The following WDR1 variants were observed in gnomAD, a reference collection of about 807,000 sequenced individuals.
WDR1 encodes WD repeat-containing protein 1.
WDR1 carries 21 observed loss-of-function variants against 71.9 expected under a neutral mutation model. That is an observed-to-expected ratio of 0.29 (90% confidence interval 0.21 to 0.42). The LOEUF is 0.42. WDR1 is among the 10% of genes least tolerant of loss of function. The probability of loss-of-function intolerance (pLI) is 1.00; values close to 1 mark genes in which losing one functional copy is unlikely to be tolerated. For synonymous variants in WDR1, 424 were observed against 347.4 expected, an observed-to-expected ratio of 1.22 and a Z score of -2.45; for missense variants, 696 against 824.5, an observed-to-expected ratio of 0.84 and a Z score of 1.91.
chr4:10,084,321 G>C (rs1163671603), intron 9 of WDR1, 122 bp downstream of exon 9: 2 of 829,726 alleles, frequency 2.4e-6, no homozygotes, highest in African/African-American at 1.7e-5. Context: ...CGGGTCAGAA[G>C]AGCGTGTGGC....
At chr4:10,079,285 A>C (rs918844663) in intron 11 of WDR1, among the ~76,000 whole-genome samples, 1 of 152,238 alleles carries the variant, frequency 6.6e-6, no homozygotes, top group Non-Finnish European at 1.5e-5. Flanking sequence ...CACCTCTTGG[A>C]AAGTCACTTG....
At chr4:10,090,112 GGAAGGACTCGGAGT>G (rs1299454859) in intron 5 of WDR1, among the ~76,000 whole-genome samples, 1 of 152,154 alleles carries the variant, frequency 6.6e-6, no homozygotes, top group Non-Finnish European at 1.5e-5. Flanking sequence ...GGAAAGACAA[GGAAGGACTCGGAGT>G]GCGTCCCTGC....
intron 7 of WDR1, 149 bp downstream of exon 7, chr4:10,088,144 T>A: frequency 1.1e-6 from 1 of 928,444 alleles, no homozygotes; most frequent in South Asian, 1.5e-5. Flanking sequence ...TATTGCGACC[T>A]TAAAGCTTTT....
chr4:10,099,184 G>GGGGGGGGGT, intron 3 of WDR1, 45 bp from the exon 4 acceptor site: 3 of 450,126 alleles, frequency 6.7e-6, no homozygotes, highest in Non-Finnish European at 8.1e-6. Flanking sequence ...CGGTGGTGGG[G>GGGGGGGGGT]TAAAGGGCAG....
chr4:10,093,114 GAC>G, intron 5 of WDR1: 1 of 1,289,350 alleles, frequency 7.8e-7, no homozygotes, highest in Non-Finnish European at 1.0e-6. Context: ...ATCACAGAGC[GAC>G]AGAGCGCTGC....
At chr4:10,089,863 C>T (rs1711857909) in intron 5 of WDR1, among the ~76,000 whole-genome samples, 1 of 152,258 alleles carries the variant, frequency 6.6e-6, no homozygotes, top group South Asian at 2.1e-4. Flanking sequence ...TGAATTGTGC[C>T]TCTCCAAAAG....
intron 5 of WDR1, among the ~76,000 whole-genome samples, chr4:10,097,098 C>T (rs768339506): frequency 1.3e-5 from 2 of 152,364 alleles, no homozygotes; most frequent in Non-Finnish European, 2.9e-5. Context: ...CCCCGGCACA[C>T]CCCCGTCTTG....
chr4:10,094,795 G>C (rs1712223334), intron 5 of WDR1: 1 of 152,238 alleles, frequency 6.6e-6, no homozygotes, highest in Admixed American at 6.5e-5. Context: ...GAAGACCAAA[G>C]CTGGGCTACG....
chr4:10,090,287 C>T (rs144314662), intron 5 of WDR1, among the ~76,000 whole-genome samples: 1 of 152,176 alleles, frequency 6.6e-6, no homozygotes, highest in Non-Finnish European at 1.5e-5. Flanking sequence ...TAATAACCCA[C>T]CAAGGTGAGC....
intron 2 of WDR1, among the ~76,000 whole-genome samples, chr4:10,106,080 A>G (rs999016546): frequency 2.7e-5 from 4 of 149,644 alleles, no homozygotes; most frequent in Non-Finnish European, 4.4e-5. Context: ...CAGAAAGCAG[A>G]TAAGCAGCTG....
At chr4:10,101,529 C>T (rs1712684302) in intron 3 of WDR1, among the ~76,000 whole-genome samples, 2 of 152,256 alleles carry the variant, frequency 1.3e-5, no homozygotes, top group African/African-American at 4.8e-5. Flanking sequence ...CGCCCAAGAA[C>T]ACTTGGACCT....
Position 10,087,469 on chromosome 4 carries a change from C to A in WDR1, c.951+238G>T, listed in dbSNP as rs534533136. Among the ~76,000 whole-genome samples, 4 of 152,382 alleles carry A rather than the reference C, an allele frequency of 2.6e-5. No homozygotes were observed. In the East Asian group the frequency reaches 5.8e-4, roughly 22 times the overall value. On this transcript the variant is annotated intron_variant, in intron 8 of 14. Coordinates refer to ENST00000499869, the MANE Select transcript of WDR1 (RefSeq NM_017491.5). ...CCCCGAATCACTAGGCCCTGACTCTCCAGTTCTCACAGTAGCTCAAGGGGA... is the reference window on the plus strand; with the variant it reads ...CCCCGAATCACTAGGCCCTGACTCTACAGTTCTCACAGTAGCTCAAGGGGA...
At chr4:10,111,715 G>A (rs1175781496) in intron 2 of WDR1, among the ~76,000 whole-genome samples, 3 of 151,934 alleles carry the variant, frequency 2.0e-5, no homozygotes, top group East Asian at 1.9e-4. Flanking sequence ...CCCCCAACCC[G>A]CAGGAAACAC....
rs114422734 is a variant in WDR1 at position 10,102,969 on chromosome 4, G to C, written c.229+927C>G. On this transcript the variant is annotated intron_variant, in intron 3 of 14. Transcript: ENST00000499869. The stretch of plus-strand genomic sequence containing the variant: ...AATGAGTGAGTGAATGAATGAGTGG[G>C]CCACCATTCTAGAAGGGGTACCACT... Among the ~76,000 whole-genome samples the C allele has an allele frequency of 5.0e-3, 755 of 152,252 alleles. 8 individuals are homozygous for C. The highest frequency in any genetic ancestry group is 0.017 in the African/African-American group (711 of 41,544).
chr4:10,092,904 C>G (rs919185901), intron 5 of WDR1: 10 of 491,372 alleles, frequency 2.0e-5, no homozygotes, highest in African/African-American at 2.0e-4. Context: ...AGCCTCATCC[C>G]TGGTGGACAA....
chr4:10,083,452 C>T lies in WDR1; in HGVS notation c.1040-274G>A, dbSNP rs553895327. ...GACCAGCAAGCTGGGGAGGCTCCGG[C>T]GTCTCCTCTGCTACTAGTTATCGGG... is the stretch of plus-strand genomic sequence containing the variant. On this transcript the variant is annotated intron_variant, in intron 9 of 14. Coordinates refer to ENST00000499869, the MANE Select transcript of WDR1 (RefSeq NM_017491.5). 1.5e-3 allele frequency among the ~76,000 whole-genome samples: 230 copies of T among 152,284 alleles called. 4 individuals carry two copies. Among genetic ancestry groups the T allele is most frequent in the South Asian group, 3.5e-3 (17 of 4,834 alleles).
At chr4:10,089,637 C>T (rs1046437003) in intron 5 of WDR1, among the ~76,000 whole-genome samples, 27 of 152,236 alleles carry the variant, frequency 1.8e-4, no homozygotes, top group Admixed American at 1.1e-3. Flanking sequence ...CTGCAGGCGG[C>T]GCTAACCCGG....
chr4:10,090,292 G>A (rs1247705538), intron 5 of WDR1, among the ~76,000 whole-genome samples: 2 of 152,178 alleles, frequency 1.3e-5, no homozygotes, highest in African/African-American at 2.4e-5. Context: ...ACCCACCAAG[G>A]TGAGCTGTGC....
chr4:10,084,996 C>T (rs1428605167), intron 8 of WDR1, among the ~76,000 whole-genome samples: 5 of 152,218 alleles, frequency 3.3e-5, no homozygotes, highest in Admixed American at 3.3e-4. Context: ...GAGTGCTGGC[C>T]CTGCTGAGGG....
Sources: allele counts gnomAD v4.1 joint callset (sites outside exome capture counted in the v4.1 genomes callset), GRCh38; gene constraint gnomAD v4.1.1; transcripts MANE v1.5; gene names NCBI Gene and HGNC (gene_info 2026-07-23, HGNC 2026-07-21).